TAF4: variants seen among roughly 807,000 people sequenced by gnomAD.
The protein encoded by TAF4 is TATA-box binding protein associated factor 4.
TAF4 carries 9 observed loss-of-function variants against 90.3 expected under a neutral mutation model. The ratio of observed to expected loss-of-function variants is 0.10; its 90% CI spans 0.06 to 0.17. The LOEUF is 0.17. TAF4 is among the 10% of genes least tolerant of loss of function. The probability of loss-of-function intolerance (pLI) is 1.00; values close to 1 mark genes in which losing one functional copy is unlikely to be tolerated. For missense variants in TAF4, 1,351 were observed against 1,370.7 expected (o/e 0.99, Z 0.23); for synonymous variants, 818 against 638.9 (o/e 1.28, Z -4.23).
intron 1 of TAF4, among the ~76,000 whole-genome samples, chr20:62,029,484 G>GCACA (rs534147759): frequency 1.4e-3 from 194 of 142,242 alleles, no homozygotes; most frequent in African/African-American, 2.4e-3. Context: ...GTGCGCGCGC[G>GCACA]CGCACACACA....
intron 1 of TAF4, among the ~76,000 whole-genome samples, chr20:62,049,004 A>C (rs1409572004): frequency 1.2e-3 from 32 of 27,416 alleles, no homozygotes; most frequent in Middle Eastern, 0.028. Flanking sequence ...CTCTCCCCAC[A>C]TGCCCACCTC....
intron 1 of TAF4, among the ~76,000 whole-genome samples, chr20:62,020,510 T>C (rs2055836834): frequency 1.3e-5 from 2 of 152,326 alleles, no homozygotes; most frequent in Admixed American, 1.3e-4. Flanking sequence ...AAAGAACATT[T>C]ATCCAACTTC....
chr20:62,062,056 C>A (rs1384889965), intron 1 of TAF4, among the ~76,000 whole-genome samples: 1 of 152,200 alleles, frequency 6.6e-6, no homozygotes, highest in African/African-American at 2.4e-5. Flanking sequence ...ATCCAATTGC[C>A]ACCCGTCTGC....
At chr20:61,982,164 AC>A (rs1306588282) in intron 14 of TAF4, among the ~76,000 whole-genome samples, 15 of 45,926 alleles carry the variant, frequency 3.3e-4, no homozygotes, top group African/African-American at 4.3e-4. Context: ...CCAAACTCAC[AC>A]CCCACCCGAG....
At position 62,064,603 on chromosome 20, in the gene TAF4, C is replaced by G; in HGVS notation, c.1208G>C (p.Gly403Ala). 6.9e-7 allele frequency: 1 copy of G among 1,448,806 alleles called. No homozygotes were observed. Among genetic ancestry groups the G allele is most frequent in the Non-Finnish European group, 9.1e-7 (1 of 1,103,226 alleles). 89.7% of individuals were successfully genotyped at this position (1,448,806 alleles called of 1,614,324 possible). A position where few individuals can be genotyped will look rare whatever the true frequency, so the allele number is the denominator to read the frequency against. The part of the protein sequence containing the change: ...APGTPTGLPK[G>A]AAGAVTQSLS... Reference sequence around the variant, plus strand: ...GCTCTGGGTCACTGCGCCGGCCGCGCCTTTGGGCAGCCCGGTGGGGGTCCC... The same window carrying G: ...GCTCTGGGTCACTGCGCCGGCCGCGGCTTTGGGCAGCCCGGTGGGGGTCCC... Residue 403 changes from glycine to alanine, a missense_variant, in exon 1 of 15, where the codon GGC becomes GCC. By Grantham distance (60) the Gly-to-Ala change is moderately conservative. Transcript: ENST00000252996.
intron 1 of TAF4, among the ~76,000 whole-genome samples, chr20:62,022,873 C>T (rs1422066783): frequency 2.7e-5 from 4 of 150,476 alleles, no homozygotes; most frequent in African/African-American, 9.8e-5. Context: ...CCCCCCCCCG[C>T]ACATTGCAGA....
chr20:62,001,537 G>A lies in TAF4; in HGVS notation c.2487-816C>T, dbSNP rs776778163. 4.3e-4 allele frequency among the ~76,000 whole-genome samples: 66 copies of A among 152,288 alleles called. 1 individual carries two copies. Among genetic ancestry groups the A allele is most frequent in the Non-Finnish European group, 1.0e-4 (7 of 68,006 alleles). ...CTCCACTTGCCGCCTCCAGCAGTGGGCTTTGAACGTGAGGCCGGGGGCCTG... is the reference window on the plus strand; with the variant it reads ...CTCCACTTGCCGCCTCCAGCAGTGGACTTTGAACGTGAGGCCGGGGGCCTG... On this transcript the variant is annotated intron_variant, in intron 9 of 14. Coordinates refer to ENST00000252996, the MANE Select transcript of TAF4 (RefSeq NM_003185.4).
At chr20:62,063,784 T>A (rs1235385566) in intron 1 of TAF4, among the ~76,000 whole-genome samples, 1 of 152,246 alleles carries the variant, frequency 6.6e-6, no homozygotes, top group Admixed American at 6.5e-5. Flanking sequence ...CTCCACAGCG[T>A]GGCTCTCAGC....
intron 13 of TAF4, 33 bp downstream of exon 13, chr20:61,998,103 T>C (rs745962500): frequency 1.9e-6 from 3 of 1,610,748 alleles, no homozygotes; most frequent in Admixed American, 1.7e-5. Flanking sequence ...CACAGCAAAG[T>C]GCCCACGAGC....
At chr20:62,035,510 G>C (rs576224804) in intron 1 of TAF4, among the ~76,000 whole-genome samples, 1 of 152,294 alleles carries the variant, frequency 6.6e-6, no homozygotes, top group Admixed American at 6.5e-5. Flanking sequence ...AATCCAAATA[G>C]GAGGCAAATG....
rs1600849353 is a variant in TAF4, at chr20:62,024,725, C to T, written c.1361-10018G>A. 2.0e-5 allele frequency among the ~76,000 whole-genome samples: 3 copies of T among 152,210 alleles called. 1 individual carries two copies. Among genetic ancestry groups the T allele is most frequent in the Admixed American group, 2.0e-4 (3 of 15,266 alleles). On this transcript the variant is annotated intron_variant, in intron 1 of 14. Transcript: ENST00000252996. ...CTCTACTAAAAATACAAAAAATTAG[C>T]AGGGCGTGGTGGTGCACACCTCTAG...
In TAF4 at chr20:61,976,321, G is replaced by A. The variant is rs2055494357; in HGVS notation, c.3105C>T (p.Gly1035=). ...CACCCGAGCTGCCTGGGACCACTGA[G>A]CCGGGGCCCGACCCCTGGTGATGAA... ...PGSGAEGSGP[G]SVVPGSSGVG... is the part of the protein sequence containing the mutation. Residue 1035 remains glycine, a synonymous_variant, in exon 15 of 15, where the codon GGC becomes GGT. Coordinates refer to ENST00000252996, the MANE Select transcript of TAF4 (RefSeq NM_003185.4). 3.7e-6 allele frequency: 6 copies of A among 1,613,514 alleles called. No homozygotes were observed. The East Asian group carries it at 1.3e-4, about 36-fold the overall frequency.
intron 13 of TAF4, among the ~76,000 whole-genome samples, chr20:61,997,919 G>A (rs1045554336): frequency 4.6e-5 from 7 of 152,240 alleles, no homozygotes; most frequent in East Asian, 3.9e-4. Flanking sequence ...AATGCCCCCC[G>A]CAAAGGGAAG....
intron 9 of TAF4, among the ~76,000 whole-genome samples, chr20:62,002,674 G>A (rs1157045759): frequency 6.6e-6 from 1 of 152,122 alleles, no homozygotes; most frequent in Non-Finnish European, 1.5e-5. Flanking sequence ...ATTTTTTGTT[G>A]TTGTTGAGTA....
intron 1 of TAF4, among the ~76,000 whole-genome samples, chr20:62,033,385 G>A (rs1274319268): frequency 6.6e-6 from 1 of 152,158 alleles, no homozygotes; most frequent in East Asian, 1.9e-4. Context: ...CATCCATTGA[G>A]ACAAACTAAC....
At chr20:62,053,115 C>T (rs2056039146) in intron 1 of TAF4, among the ~76,000 whole-genome samples, 1 of 152,154 alleles carries the variant, frequency 6.6e-6, no homozygotes, top group African/African-American at 2.4e-5. Context: ...GCCCAGCCTT[C>T]GGGCCCAGGC....
chr20:62,022,986 T>C (rs1257503633), intron 1 of TAF4, among the ~76,000 whole-genome samples: 1 of 152,136 alleles, frequency 6.6e-6, no homozygotes, highest in African/African-American at 2.4e-5. Flanking sequence ...ACTGTGTTCA[T>C]GGGTCAGGAG....
At chr20:62,016,030 G>A (rs1184384902) in intron 1 of TAF4, among the ~76,000 whole-genome samples, 1 of 152,158 alleles carries the variant, frequency 6.6e-6, no homozygotes, top group East Asian at 1.9e-4. Flanking sequence ...TCCAAGCCTG[G>A]AGCTCGGGAA....
rs1315441189 is a variant in TAF4, at chr20:62,010,820, G to A, written c.1642-655C>T. Among the ~76,000 whole-genome samples, 2 of 152,216 alleles carry A rather than the reference G, an allele frequency of 1.3e-5. No homozygotes were observed. The highest frequency in any genetic ancestry group is 2.4e-5 in the African/African-American group (1 of 41,460). On this transcript the variant is annotated intron_variant, in intron 3 of 14. Transcript: ENST00000252996. This position sits in a 1 kb window ranked among gnomAD's most constrained non-coding sequence, Gnocchi z 4.5. Reference sequence around the variant, plus strand: ...TTGCTAAGCAAATGAACAGCCAGACGCCAAAAGGTAGCTCAGACAACTCAG... The same window carrying A: ...TTGCTAAGCAAATGAACAGCCAGACACCAAAAGGTAGCTCAGACAACTCAG...
Sources: gnomAD v4.1 joint callset for allele counts (sites outside exome capture counted in the v4.1 genomes callset) on GRCh38, gnomAD v4.1.1 for gene constraint, Gnocchi (gnomAD v3.1) non-coding constraint, MANE v1.5 for transcripts, NCBI Gene and HGNC (gene_info 2026-07-23, HGNC 2026-07-21) for gene names.